DOCK3: variants seen among roughly 807,000 people sequenced by gnomAD.
DOCK3 encodes dedicator of cytokinesis protein 3.
In DOCK3, 60 loss-of-function variants were observed where a neutral mutation model predicts 265.6. The observed-to-expected ratio is 0.23, with a 90% CI of 0.18 to 0.28. The LOEUF is 0.28. Among genes scored for constraint, DOCK3 ranks in the 10% least tolerant of loss-of-function variants. The probability of loss-of-function intolerance (pLI) is 1.00; values close to 1 mark genes in which losing one functional copy is unlikely to be tolerated. For synonymous variants in DOCK3, 881 were observed against 938.0 expected, an observed-to-expected ratio of 0.94 and a Z score of 1.11; for missense variants, 1,981 against 2,594.3, an observed-to-expected ratio of 0.76 and a Z score of 5.14.
At chr3:51,372,930 G>A (rs2087803535) in intron 49 of DOCK3, among the ~76,000 whole-genome samples, 1 of 152,156 alleles carries the variant, frequency 6.6e-6, no homozygotes, top group African/African-American at 2.4e-5. Context: ...TCACAAAATA[G>A]CAATTCAGGT....
At chr3:50,938,874 C>T (rs1375796577) in intron 5 of DOCK3, among the ~76,000 whole-genome samples, 2 of 150,454 alleles carry the variant, frequency 1.3e-5, no homozygotes, top group East Asian at 3.9e-4. Flanking sequence ...CTGGACATCA[C>T]AGTGAGACTC....
intron 3 of DOCK3, among the ~76,000 whole-genome samples, chr3:50,858,163 C>T (rs1052591794): frequency 6.6e-6 from 1 of 152,098 alleles, no homozygotes; most frequent in South Asian, 2.1e-4. Context: ...TAATTCTGAG[C>T]AAACTGTCAC....
chr3:51,206,766 C>A (rs1297500611), intron 12 of DOCK3, among the ~76,000 whole-genome samples: 1 of 152,094 alleles, frequency 6.6e-6, no homozygotes, highest in Non-Finnish European at 1.5e-5. Context: ...AATTGACATT[C>A]TGGAAAGCAA....
At chr3:51,320,338 G>A (rs1576788876) in intron 32 of DOCK3, among the ~76,000 whole-genome samples, 3 of 152,202 alleles carry the variant, frequency 2.0e-5, no homozygotes, top group Non-Finnish European at 2.9e-5. Flanking sequence ...ATTCCCTCCA[G>A]TGCCTATGCC....
At chr3:50,765,629 A>G (rs2040828828) in intron 1 of DOCK3, among the ~76,000 whole-genome samples, 1 of 151,756 alleles carries the variant, frequency 6.6e-6, no homozygotes, top group African/African-American at 2.4e-5. Flanking sequence ...TTAAAGTTTT[A>G]TTTTTAATGG....
chr3:51,246,846 A>G, intron 22 of DOCK3, 39 bp downstream of exon 22: 8 of 1,584,978 alleles, frequency 5.0e-6, no homozygotes, highest in Non-Finnish European at 6.9e-6. Flanking sequence ...AGACCCACTC[A>G]TGCAATTATT....
chr3:51,074,973 T>C (rs1000145467), intron 6 of DOCK3, among the ~76,000 whole-genome samples: 1 of 152,206 alleles, frequency 6.6e-6, no homozygotes, highest in Non-Finnish European at 1.5e-5. Context: ...ATTTTTTTCA[T>C]CCTAATGAAA....
chr3:51,317,040 G>A (rs1319665391), intron 32 of DOCK3, among the ~76,000 whole-genome samples: 1 of 151,574 alleles, frequency 6.6e-6, no homozygotes, highest in Admixed American at 6.6e-5. Flanking sequence ...CTTAACATAG[G>A]GCCACAAAAA....
chr3:51,312,457 T>C lies in DOCK3; in HGVS notation c.3094-19T>C, dbSNP rs750169763. ...TAAGTTCTTAGACTGTCACATTTTC[T>C]CTTTCTCTGTCTGTCTAGGTGTGGA... On this transcript the variant is annotated intron_variant, in intron 29 of 52. Transcript: ENST00000266037. 7.5e-6 allele frequency: 12 copies of C among 1,606,326 alleles called. No homozygotes were observed. Among genetic ancestry groups the C allele is most frequent in the Non-Finnish European group, 1.0e-5 (12 of 1,173,340 alleles).
intron 3 of DOCK3, among the ~76,000 whole-genome samples, chr3:50,860,982 T>C (rs760738873): frequency 6.6e-6 from 1 of 152,222 alleles, no homozygotes. Flanking sequence ...AGGGTCTCCA[T>C]GCATGCCTGA....
At chr3:51,315,435 A>C (rs2083311776) in intron 32 of DOCK3, among the ~76,000 whole-genome samples, 1 of 152,186 alleles carries the variant, frequency 6.6e-6, no homozygotes, top group Non-Finnish European at 1.5e-5. Context: ...GTGTGATGTC[A>C]TTCCTTTACT....
intron 7 of DOCK3, among the ~76,000 whole-genome samples, chr3:51,076,049 TG>T (rs754946132): frequency 7.2e-5 from 11 of 152,328 alleles, no homozygotes; most frequent in Admixed American, 5.2e-4. Context: ...ATGTATTTGA[TG>T]AGTATATATT....
At chr3:51,377,455 C>T (rs944553168) in intron 51 of DOCK3, among the ~76,000 whole-genome samples, 3 of 152,210 alleles carry the variant, frequency 2.0e-5, no homozygotes, top group African/African-American at 7.2e-5. Flanking sequence ...TTTTGCCGTG[C>T]AGTGACTCCC....
intron 27 of DOCK3, among the ~76,000 whole-genome samples, chr3:51,290,548 G>GCT (rs2081680337): frequency 6.6e-6 from 1 of 152,052 alleles, no homozygotes. Flanking sequence ...GGTTGGGGGA[G>GCT]AGGGGAGGGA....
chr3:51,015,600 G>C (rs1025722292), intron 5 of DOCK3, among the ~76,000 whole-genome samples: 1 of 148,728 alleles, frequency 6.7e-6, no homozygotes, highest in Admixed American at 6.8e-5. Flanking sequence ...ATTTTTTGAT[G>C]TGTCTTTGCT....
chr3:51,285,473 T>TATAC (rs2081353916), intron 27 of DOCK3, among the ~76,000 whole-genome samples: 1 of 151,450 alleles, frequency 6.6e-6, no homozygotes, highest in Non-Finnish European at 1.5e-5. Flanking sequence ...AAACAGAAAG[T>TATAC]ATACATAAGT....
chr3:51,201,480 A>AAT (rs1014231492), intron 12 of DOCK3, among the ~76,000 whole-genome samples: 3 of 152,198 alleles, frequency 2.0e-5, no homozygotes, highest in Non-Finnish European at 2.9e-5. Context: ...AACTATCCTA[A>AAT]ATATATATGC....
intron 5 of DOCK3, among the ~76,000 whole-genome samples, chr3:50,975,221 T>G (rs1016261496): frequency 8.1e-5 from 12 of 148,996 alleles, no homozygotes; most frequent in Non-Finnish European, 1.4e-4. Context: ...CTTGTGCCAG[T>G]TTTCAAAGGG....
chr3:50,886,854 A>G (rs564497625), intron 3 of DOCK3, among the ~76,000 whole-genome samples: 1 of 152,300 alleles, frequency 6.6e-6, no homozygotes, highest in African/African-American at 2.4e-5. Context: ...TCTGGGATAC[A>G]TTAAAAGCAA....
Sources: allele counts gnomAD v4.1 joint callset (sites outside exome capture counted in the v4.1 genomes callset), GRCh38; gene constraint gnomAD v4.1.1; transcripts MANE v1.5; gene names NCBI Gene and HGNC (gene_info 2026-07-23, HGNC 2026-07-21).